The following PPP3CA variants were observed in gnomAD, a reference collection of about 807,000 sequenced individuals.
PPP3CA encodes protein phosphatase 3 catalytic subunit alpha.
A neutral mutation model predicts 66.5 loss-of-function variants in PPP3CA; 14 were observed. The observed-to-expected ratio is 0.21, with a 90% CI of 0.14 to 0.33. The LOEUF (loss-of-function observed/expected upper bound fraction) is 0.33. PPP3CA is among the 10% of genes least tolerant of loss of function. PPP3CA has a pLI of 1.00. For synonymous variants in PPP3CA, 232 were observed against 226.2 expected (o/e 1.03, Z -0.23); for missense variants, 317 against 639.5 (o/e 0.50, Z 5.44).
chr4:101,282,083 G>A (rs925976090), intron 1 of PPP3CA, among the ~76,000 whole-genome samples: 9 of 152,008 alleles, frequency 5.9e-5, no homozygotes, highest in South Asian at 2.1e-4. Flanking sequence ...TATTATCTTC[G>A]CATCTATGGC....
intron 2 of PPP3CA, among the ~76,000 whole-genome samples, chr4:101,145,108 A>G (rs1443417911): frequency 3.3e-5 from 5 of 152,186 alleles, no homozygotes; most frequent in African/African-American, 4.8e-5. Flanking sequence ...ACTGTGATGT[A>G]CACATTTTGG....
intron 8 of PPP3CA, among the ~76,000 whole-genome samples, chr4:101,066,922 C>T (rs570181028): frequency 6.6e-6 from 1 of 152,238 alleles, no homozygotes; most frequent in South Asian, 2.1e-4. Flanking sequence ...CTCAAGACCA[C>T]CTCCTGAGAC....
intron 1 of PPP3CA, among the ~76,000 whole-genome samples, chr4:101,345,693 T>A (rs1050728545): frequency 2.0e-5 from 3 of 152,194 alleles, no homozygotes; most frequent in Non-Finnish European, 4.4e-5. Flanking sequence ...TAGATTCCCG[T>A]GCGACAGAGT....
chr4:101,124,722 AAAG>A (rs1722164691), intron 2 of PPP3CA, among the ~76,000 whole-genome samples: 48 of 74,366 alleles, frequency 6.5e-4, no homozygotes, highest in African/African-American at 2.1e-3. Context: ...AGAAAGAAAG[AAAG>A]AGAAAGAAAG....
chr4:101,287,632 A>G (rs1420351820), intron 1 of PPP3CA, among the ~76,000 whole-genome samples: 1 of 152,212 alleles, frequency 6.6e-6, no homozygotes, highest in Non-Finnish European at 1.5e-5. Flanking sequence ...ACCCACCATC[A>G]TTCTACAGCC....
At chr4:101,266,993 A>C (rs778959038) in intron 1 of PPP3CA, among the ~76,000 whole-genome samples, 5 of 152,338 alleles carry the variant, frequency 3.3e-5, no homozygotes, top group Admixed American at 3.3e-4. Flanking sequence ...TCAGAATACC[A>C]TGCCTAGCTG....
At chr4:101,295,268 T>A (rs1472861570) in intron 1 of PPP3CA, among the ~76,000 whole-genome samples, 1 of 128,284 alleles carries the variant, frequency 7.8e-6, no homozygotes, top group Non-Finnish European at 1.5e-5. Flanking sequence ...GCCACTGCAG[T>A]CCGCAGTCCG....
chr4:101,120,299 G>T (rs1422758082), intron 2 of PPP3CA, among the ~76,000 whole-genome samples: 2 of 152,026 alleles, frequency 1.3e-5, no homozygotes, highest in Non-Finnish European at 2.9e-5. Flanking sequence ...CACTTGTGCT[G>T]CATTATACTG....
intron 1 of PPP3CA, among the ~76,000 whole-genome samples, chr4:101,303,689 T>C (rs1472753684): frequency 2.0e-5 from 3 of 152,178 alleles, no homozygotes; most frequent in Admixed American, 1.3e-4. Flanking sequence ...GTATTCTCTA[T>C]AGGATGGATT....
rs181442010 is a variant in PPP3CA, at chr4:101,171,106, C to T, written c.259+24810G>A. 13 of 448,808 alleles carry T rather than the reference C, an allele frequency of 2.9e-5. No individual in the cohort carries two copies. In the Admixed American group the frequency reaches 2.9e-4, roughly 10 times the overall value. The allele number at this position is 448,808 out of a possible 1,614,324, so 27.8% of individuals were successfully genotyped here. On this transcript the variant is annotated intron_variant, in intron 2 of 13. Transcript: ENST00000394854. ...CACCCAAGGTACACAGAGAAAAGTC[C>T]TTTGGGTGGTTGTCAGTAGTTTACA...
intron 1 of PPP3CA, among the ~76,000 whole-genome samples, chr4:101,244,195 G>C (rs1726402529): frequency 6.6e-6 from 1 of 152,100 alleles, no homozygotes; most frequent in African/African-American, 2.4e-5. Context: ...CTGTATACAA[G>C]TTAGTTTCCT....
intron 1 of PPP3CA, among the ~76,000 whole-genome samples, chr4:101,205,646 C>CA (rs1400956845): frequency 6.6e-6 from 1 of 152,096 alleles, no homozygotes; most frequent in African/African-American, 2.4e-5. Context: ...ACACATTTTC[C>CA]ATGCCCACAT....
intron 2 of PPP3CA, among the ~76,000 whole-genome samples, chr4:101,170,226 A>T (rs1723829839): frequency 6.6e-6 from 1 of 151,904 alleles, no homozygotes; most frequent in African/African-American, 2.4e-5. Context: ...AATTTAGAGC[A>T]TCAAGACATT....
Position 101,083,639 on chromosome 4 carries a change from T to C in PPP3CA, c.783-376A>G, listed in dbSNP as rs559804565. On this transcript the variant is annotated intron_variant, in intron 6 of 13. Coordinates refer to ENST00000394854, the MANE Select transcript of PPP3CA (RefSeq NM_000944.5). ...AAATATAAGTCTCAATTTTCTCAAATATTGCACCATTTGTGCATATGTGTG... is the reference window on the plus strand; with the variant it reads ...AAATATAAGTCTCAATTTTCTCAAACATTGCACCATTTGTGCATATGTGTG... Among the ~76,000 whole-genome samples, 20 of 152,344 alleles carry C rather than the reference T, an allele frequency of 1.3e-4. No individual in the cohort carries two copies. The South Asian group carries it at 3.7e-3, about 28-fold the overall frequency.
chr4:101,126,261 T>C (rs1265648308), intron 2 of PPP3CA, among the ~76,000 whole-genome samples: 1 of 152,200 alleles, frequency 6.6e-6, no homozygotes, highest in Non-Finnish European at 1.5e-5. Flanking sequence ...TCTCTGAATA[T>C]GGCAGTAGTT....
At chr4:101,260,354 A>C (rs1405265519) in intron 1 of PPP3CA, among the ~76,000 whole-genome samples, 1 of 152,184 alleles carries the variant, frequency 6.6e-6, no homozygotes, top group African/African-American at 2.4e-5. Flanking sequence ...TTCTGGTCTT[A>C]CAGAACACTT....
chr4:101,063,515 T>C (rs1728559029), intron 8 of PPP3CA, among the ~76,000 whole-genome samples, 158 bp from the exon 9 acceptor site: 1 of 151,972 alleles, frequency 6.6e-6, no homozygotes, highest in East Asian at 1.9e-4. Context: ...ACTTATGGAC[T>C]TAAACCTTAC....
intron 6 of PPP3CA, among the ~76,000 whole-genome samples, chr4:101,088,885 G>C (rs1354341734): frequency 6.6e-6 from 1 of 152,138 alleles, no homozygotes; most frequent in African/African-American, 2.4e-5. Flanking sequence ...ATGACTGGTG[G>C]TGATTTCAAT....
At chr4:101,301,537 G>C (rs1728377172) in intron 1 of PPP3CA, among the ~76,000 whole-genome samples, 1 of 141,994 alleles carries the variant, frequency 7.0e-6, no homozygotes, top group African/African-American at 2.6e-5. Flanking sequence ...CTGTCACCCA[G>C]GCTGAAGTGC....
Sources: allele counts gnomAD v4.1 joint callset (sites outside exome capture counted in the v4.1 genomes callset), GRCh38; gene constraint gnomAD v4.1.1; transcripts MANE v1.5; gene names NCBI Gene and HGNC (gene_info 2026-07-23, HGNC 2026-07-21).